Variants in NINJ1 observed in about 807,000 individuals in gnomAD.
NINJ1 encodes the protein ninjurin 1, also known as ninjurin-1.
In NINJ1, 6 loss-of-function variants were observed where a neutral mutation model predicts 12.7. The observed-to-expected ratio is 0.47, with a 90% CI of 0.26 to 0.93. The LOEUF (loss-of-function observed/expected upper bound fraction) is 0.93, where lower values mean the gene tolerates loss of function less well. Ranked by LOEUF, NINJ1 falls within the 40% of genes least tolerant of loss-of-function variation. The pLI is 0.15. For synonymous variants in NINJ1, 100 were observed against 96.0 expected (o/e 1.04, Z -0.25); for missense variants, 170 against 213.0 (o/e 0.80, Z 1.26).
At chr9:93,126,324 A>C in intron 2 of NINJ1, 86 bp downstream of exon 2, 1 of 1,193,464 alleles carries the variant, frequency 8.4e-7, no homozygotes, top group South Asian at 1.4e-5. Context: ...CCAAGTGTGC[A>C]AGGTGGTGGG....
At chr9:93,123,768 G>A (rs997175199) in intron 3 of NINJ1, among the ~76,000 whole-genome samples, 3 of 152,224 alleles carry the variant, frequency 2.0e-5, no homozygotes, top group African/African-American at 4.8e-5. Flanking sequence ...GCCTAAGGTC[G>A]CGGGGACTGT....
At chr9:93,126,265 A>T (rs947510004) in intron 2 of NINJ1, 145 bp downstream of exon 2, 54 of 640,540 alleles carry the variant, frequency 8.4e-5, no homozygotes, top group Non-Finnish European at 1.1e-5. Context: ...CACTTCCTGG[A>T]CTGCATGTCT....
intron 1 of NINJ1, among the ~76,000 whole-genome samples, chr9:93,129,363 T>C (rs1026893015): frequency 1.3e-5 from 2 of 152,222 alleles, no homozygotes; most frequent in East Asian, 1.9e-4. Context: ...CAGTCTTCCA[T>C]GTGTACCACG....
rs769334957 is a variant in NINJ1 at position 93,134,170 on chromosome 9, C to T, written c.48G>A (p.Pro16=). The T allele has an allele frequency of 2.0e-4, 313 of 1,555,452 alleles. No homozygotes were observed. Among genetic ancestry groups the T allele is most frequent in the Non-Finnish European group, 2.7e-4 (308 of 1,150,794 alleles). ...AGGCGTCCGGGGAGCCGGGTGTGCCCGGAGGCAGGCCGCCGTTGAGCTCGT... is the reference window on the plus strand; with the variant it reads ...AGGCGTCCGGGGAGCCGGGTGTGCCTGGAGGCAGGCCGCCGTTGAGCTCGT... ...EEYELNGGLP[P]GTPGSPDASP... The change falls in exon 1 of 4, where the codon CCG becomes CCA. Residue 16 remains proline, a synonymous_variant. Transcript: ENST00000375446.
chr9:93,126,918 G>A (rs910224262), intron 1 of NINJ1, among the ~76,000 whole-genome samples: 10 of 152,114 alleles, frequency 6.6e-5, no homozygotes, highest in Non-Finnish European at 1.5e-4. Context: ...AGCATTGCCC[G>A]ATCCTCCCAC....
rs545834769 is a variant in NINJ1, at chr9:93,134,060, C to T, written c.75+83G>A. On this transcript the variant is annotated intron_variant, in intron 1 of 3. Coordinates refer to ENST00000375446, the MANE Select transcript of NINJ1 (RefSeq NM_004148.4). ...CCAACACTCTGCAGTGCGGACGCGG[C>T]GCACACAGGTGCCCGGGGAGCCGCG... 3.9e-5 allele frequency: 43 copies of T among 1,112,484 alleles called. No individual in the cohort carries two copies. The Middle Eastern group carries it at 2.9e-3, about 76-fold the overall frequency. The allele number at this position is 1,112,484 out of a possible 1,614,324, so 68.9% of individuals were successfully genotyped here.
intron 1 of NINJ1, among the ~76,000 whole-genome samples, chr9:93,128,034 C>T (rs1187992405): frequency 1.3e-5 from 2 of 152,186 alleles, no homozygotes; most frequent in Non-Finnish European, 2.9e-5. Flanking sequence ...AGAGAGTGGG[C>T]GTCAGGGGAC....
intron 1 of NINJ1, among the ~76,000 whole-genome samples, chr9:93,129,240 C>G (rs574658446): frequency 3.2e-4 from 49 of 152,344 alleles, no homozygotes; most frequent in African/African-American, 1.2e-3. Flanking sequence ...ACCCAGGCCC[C>G]GGGGCTCAGA....
Position 93,126,521 on chromosome 9 carries a change from T to C in NINJ1, c.193A>G (p.Lys65Glu). The change falls in exon 2 of 4, where the codon AAG becomes GAG. Residue 65 changes from lysine to glutamate, a missense_variant. Lys to Glu is a moderately conservative substitution (Grantham distance 56, BLOSUM62 1). Transcript: ENST00000375446. ...CTGGGGCCCTGTTCCACGACGGCCTTCAGCTGGGACGCGTTGGCCATCAGC... is the reference window on the plus strand; with the variant it reads ...CTGGGGCCCTGTTCCACGACGGCCTCCAGCTGGGACGCGTTGGCCATCAGC... ...ALLMANASQL[K>E]AVVEQGPSFA... 6.2e-7 allele frequency: 1 copy of C among 1,614,168 alleles called. No individual in the cohort carries two copies. Among genetic ancestry groups the C allele is most frequent in the Non-Finnish European group, 8.5e-7 (1 of 1,180,026 alleles).
intron 3 of NINJ1, among the ~76,000 whole-genome samples, chr9:93,123,668 G>A (rs1240754303): frequency 6.6e-6 from 1 of 152,204 alleles, no homozygotes; most frequent in East Asian, 1.9e-4. Context: ...GGCCACCACT[G>A]GTGGAGAGAT....
rs1827806063 is a variant in NINJ1, at chr9:93,126,133, C to G, written c.304+277G>C. 3.4e-5 allele frequency: 16 copies of G among 473,084 alleles called. No homozygotes were observed. The South Asian group carries it at 4.4e-4, about 13-fold the overall frequency. 29.3% of individuals were successfully genotyped at this position (473,084 alleles called of 1,614,324 possible). On this transcript the variant is annotated intron_variant, in intron 2 of 3. Transcript: ENST00000375446. Reference sequence around the variant, plus strand: ...GATCGCTTGAGCCCAGGAGATGCAGCTTGCAGTGAGCCGAGACTGCGCCAC... The same window carrying G: ...GATCGCTTGAGCCCAGGAGATGCAGGTTGCAGTGAGCCGAGACTGCGCCAC...
At chr9:93,122,603 C>T (rs1827751329) in intron 3 of NINJ1, among the ~76,000 whole-genome samples, 3 of 152,196 alleles carry the variant, frequency 2.0e-5, no homozygotes, top group African/African-American at 4.8e-5. Flanking sequence ...GTACTCCATG[C>T]CTCAGTTTCC....
chr9:93,125,045 T>C lies in NINJ1; in HGVS notation c.322A>G (p.Asn108Asp). 2.5e-6 allele frequency: 4 copies of C among 1,613,226 alleles called. No homozygotes were observed. The highest frequency in any genetic ancestry group is 3.4e-6 in the Non-Finnish European group (4 of 1,179,500). Residue 108 changes from asparagine to aspartate, a missense_variant, in exon 3 of 4, where the codon AAC becomes GAC. Asn to Asp is a conservative substitution (Grantham distance 23, BLOSUM62 1). Coordinates refer to ENST00000375446, the MANE Select transcript of NINJ1 (RefSeq NM_004148.4). ...TCCAGCTTGGCGTGCTTGGCCGGGTTGTTAAGGTCGTACTTGACTGTGGGC... is the reference window on the plus strand; with the variant it reads ...TCCAGCTTGGCGTGCTTGGCCGGGTCGTTAAGGTCGTACTTGACTGTGGGC... The part of the protein sequence containing the change: ...LIFLVKYDLN[N>D]PAKHAKLDFL...
At position 93,123,512 on chromosome 9, in the gene NINJ1, G is replaced by A. The variant is rs563782707; in HGVS notation, c.*10-1282C>T. On this transcript the variant is annotated intron_variant, in intron 3 of 3. Coordinates refer to ENST00000375446, the MANE Select transcript of NINJ1 (RefSeq NM_004148.4). ...TTGGTCAGGCTGGTCTCAAGCTCCC[G>A]ACCTCAGGTGATCCGCTTGCCTCAG... 1.9e-3 allele frequency among the ~76,000 whole-genome samples: 293 copies of A among 152,326 alleles called. 1 individual carries two copies. Among genetic ancestry groups the A allele is most frequent in the African/African-American group, 6.6e-3 (275 of 41,568 alleles).
At chr9:93,127,798 G>A (rs1237448344) in intron 1 of NINJ1, among the ~76,000 whole-genome samples, 1 of 152,214 alleles carries the variant, frequency 6.6e-6, no homozygotes, top group African/African-American at 2.4e-5. Context: ...ACCTCCTGGG[G>A]CCCTCTCTGG....
intron 1 of NINJ1, among the ~76,000 whole-genome samples, chr9:93,132,668 C>T (rs897855489): frequency 6.6e-6 from 1 of 152,354 alleles, no homozygotes; most frequent in South Asian, 2.1e-4. Context: ...TCTCCAACCG[C>T]GGCTTGGTGG....
chr9:93,122,777 G>A (rs1415385516), intron 3 of NINJ1, among the ~76,000 whole-genome samples: 2 of 152,196 alleles, frequency 1.3e-5, no homozygotes, highest in African/African-American at 2.4e-5. Flanking sequence ...TTTGGCCTCC[G>A]AGCCTCTGAG....
chr9:93,134,071 G>T, intron 1 of NINJ1, 72 bp downstream of exon 1: 1 of 1,234,146 alleles, frequency 8.1e-7, no homozygotes, highest in Non-Finnish European at 1.1e-6. Context: ...GCACACAGGT[G>T]CCCGGGGAGC....
At chr9:93,125,111 C>T (rs756642774) in intron 2 of NINJ1, 49 bp from the exon 3 acceptor site, 30 of 1,562,386 alleles carry the variant, frequency 1.9e-5, no homozygotes, top group African/African-American at 4.1e-5. Context: ...CCAGACGCAG[C>T]GCCCCAGCCT....
Sources: gnomAD v4.1 joint callset for allele counts (sites outside exome capture counted in the v4.1 genomes callset) on GRCh38, gnomAD v4.1.1 for gene constraint, MANE v1.5 for transcripts, NCBI Gene and HGNC (gene_info 2026-07-23, HGNC 2026-07-21) for gene names.